Variants in NHSL1 observed in about 807,000 individuals in gnomAD.
NHSL1 encodes NHS like 1.
Under a neutral mutation model 95.0 loss-of-function variants are expected in NHSL1, and 48 were observed. The observed-to-expected ratio is 0.51, with a 90% CI of 0.40 to 0.64. The LOEUF is 0.64. Among genes scored for constraint, NHSL1 ranks in the 30% least tolerant of loss-of-function variants. The pLI, the probability that NHSL1 is intolerant of heterozygous loss-of-function variation, is 0.00. For missense variants in NHSL1, 1,971 were observed against 2,077.7 expected (o/e 0.95, Z 1.00); for synonymous variants, 783 against 833.9 (o/e 0.94, Z 1.05).
intron 1 of NHSL1, chr6:138,650,757 T>C (rs1056734600): frequency 1.8e-6 from 1 of 545,012 alleles, no homozygotes; most frequent in African/African-American, 1.9e-5. Flanking sequence ...CTTCACAACT[T>C]TCTTCAGGGA....
At chr6:138,568,149 A>G (rs1486710867) in intron 1 of NHSL1, among the ~76,000 whole-genome samples, 1 of 152,254 alleles carries the variant, frequency 6.6e-6, no homozygotes, top group Admixed American at 6.5e-5. Flanking sequence ...GCTAACAGTT[A>G]GAAGACCATG....
intron 3 of NHSL1, among the ~76,000 whole-genome samples, chr6:138,461,772 G>C (rs1166473831): frequency 6.6e-6 from 1 of 152,176 alleles, no homozygotes; most frequent in Non-Finnish European, 1.5e-5. Context: ...AGAAATTTGA[G>C]GGGGATGAAA....
At chr6:138,625,255 G>T (rs1045153478) in intron 1 of NHSL1, among the ~76,000 whole-genome samples, 1 of 152,080 alleles carries the variant, frequency 6.6e-6, no homozygotes, top group Non-Finnish European at 1.5e-5. Flanking sequence ...CGGTTCTCGT[G>T]CCTCAGCCTC....
intron 2 of NHSL1, among the ~76,000 whole-genome samples, chr6:138,480,740 A>G (rs1441233916): frequency 2.0e-5 from 3 of 152,240 alleles, no homozygotes; most frequent in Non-Finnish European, 4.4e-5. Flanking sequence ...AATTATAAAA[A>G]TAGCAGTCAT....
At chr6:138,692,631 G>T (rs1785697359), upstream of NHSL1, 1 of 171,810 alleles carries the variant, frequency 5.8e-6, no homozygotes, top group African/African-American at 2.4e-5. The surrounding 1 kb of genome is among the most constrained non-coding windows in gnomAD (Gnocchi z 4.0). Flanking sequence ...GGCCAGCTGC[G>T]CCAGCAGGCA....
At chr6:138,543,692 A>G (rs1221350092) in intron 1 of NHSL1, among the ~76,000 whole-genome samples, 3 of 152,238 alleles carry the variant, frequency 2.0e-5, no homozygotes, top group Non-Finnish European at 4.4e-5. Flanking sequence ...AACACAAAGC[A>G]TCAACAAGTA....
At chr6:138,472,123 A>G (rs1017046732) in intron 3 of NHSL1, among the ~76,000 whole-genome samples, 2 of 149,550 alleles carry the variant, frequency 1.3e-5, no homozygotes, top group Non-Finnish European at 3.0e-5. Flanking sequence ...TGGAGTTTGC[A>G]GTGAGCCAAG....
intron 1 of NHSL1, among the ~76,000 whole-genome samples, chr6:138,511,800 G>A (rs188048849): frequency 1.3e-5 from 2 of 152,182 alleles, no homozygotes; most frequent in South Asian, 4.1e-4. Flanking sequence ...GCAGAGCACA[G>A]TGGCACACGC....
In NHSL1 at chr6:138,442,129, T is replaced by C. The variant is rs771384230; in HGVS notation, c.533-15A>G. 3 of 1,530,982 alleles carry C rather than the reference T, an allele frequency of 2.0e-6. No individual in the cohort carries two copies. Among genetic ancestry groups the C allele is most frequent in the African/African-American group, 2.8e-5 (2 of 71,914 alleles). 94.8% of individuals were successfully genotyped at this position (1,530,982 alleles called of 1,614,324 possible). On this transcript the variant is annotated splice_polypyrimidine_tract_variant and intron_variant, in intron 4 of 7. Transcript: ENST00000343505. ...GAAATTCTCCCCTAATGTAGAGTAG[T>C]AGAACAAGCAAAGCAATGTTATTTT... is the stretch of plus-strand genomic sequence containing the variant.
upstream of NHSL1, among the ~76,000 whole-genome samples, chr6:138,693,055 A>G (rs1452759088): frequency 6.6e-6 from 1 of 150,940 alleles, no homozygotes; most frequent in Non-Finnish European, 1.5e-5. The surrounding 1 kb of genome is among the most constrained non-coding windows in gnomAD (Gnocchi z 4.3). Context: ...CCGCGCGGCG[A>G]GAGGAAGTTC....
At chr6:138,595,382 TG>T (rs1460858883) in intron 1 of NHSL1, among the ~76,000 whole-genome samples, 5 of 152,130 alleles carry the variant, frequency 3.3e-5, no homozygotes, top group African/African-American at 1.2e-4. Context: ...GAGACCAGCC[TG>T]GGCAACATAA....
At chr6:138,555,170 A>G (rs1482649715) in intron 1 of NHSL1, among the ~76,000 whole-genome samples, 1 of 152,178 alleles carries the variant, frequency 6.6e-6, no homozygotes, top group Non-Finnish European at 1.5e-5. Context: ...GATCATGCCG[A>G]ACATGATCTG....
chr6:138,437,707 T>C (rs1346044883), intron 5 of NHSL1, among the ~76,000 whole-genome samples: 1 of 152,126 alleles, frequency 6.6e-6, no homozygotes, highest in African/African-American at 2.4e-5. Flanking sequence ...ACAATTTTAA[T>C]TCATGGGAGA....
intron 1 of NHSL1, among the ~76,000 whole-genome samples, chr6:138,530,498 T>C (rs1387296384): frequency 6.6e-6 from 1 of 152,160 alleles, no homozygotes; most frequent in Non-Finnish European, 1.5e-5. Context: ...GCAGCACAAT[T>C]TGCAATTGCA....
At chr6:138,690,047 T>G (rs546432431) in intron 1 of NHSL1, among the ~76,000 whole-genome samples, 37 of 152,344 alleles carry the variant, frequency 2.4e-4, no homozygotes, top group African/African-American at 8.2e-4. Flanking sequence ...ACCCACAGCC[T>G]AACCTGGGGT....
intron 1 of NHSL1, among the ~76,000 whole-genome samples, chr6:138,658,206 G>A (rs1053310581): frequency 2.0e-5 from 3 of 152,102 alleles, no homozygotes; most frequent in African/African-American, 7.2e-5. Context: ...TGTACAACAC[G>A]ATTTGATATA....
intron 3 of NHSL1, among the ~76,000 whole-genome samples, chr6:138,456,603 G>T (rs1416220889): frequency 6.6e-6 from 1 of 152,122 alleles, no homozygotes; most frequent in Non-Finnish European, 1.5e-5. Flanking sequence ...TATCCTTTCT[G>T]CTAAGACAAT....
At chr6:138,489,922 GAGGGGGAGAC>G (rs1432745703) in intron 2 of NHSL1, among the ~76,000 whole-genome samples, 1 of 71,504 alleles carries the variant, frequency 1.4e-5, no homozygotes, top group Non-Finnish European at 2.6e-5. Flanking sequence ...GGGAGAGGGG[GAGGGGGAGAC>G]AGGGGGAGAG....
At chr6:138,646,659 G>A (rs1363807723) in intron 1 of NHSL1, among the ~76,000 whole-genome samples, 1 of 152,194 alleles carries the variant, frequency 6.6e-6, no homozygotes, top group Non-Finnish European at 1.5e-5. Context: ...CTGAGGGTAA[G>A]GGGTGAGGGG....
Sources: gnomAD v4.1 joint callset for allele counts (sites outside exome capture counted in the v4.1 genomes callset) on GRCh38, gnomAD v4.1.1 for gene constraint, Gnocchi (gnomAD v3.1) non-coding constraint, MANE v1.5 for transcripts, NCBI Gene and HGNC (gene_info 2026-07-23, HGNC 2026-07-21) for gene names.